Variants in MTHFS observed in about 807,000 individuals in gnomAD.
MTHFS encodes methenyltetrahydrofolate synthetase.
In MTHFS, 7 loss-of-function variants were observed where a neutral mutation model predicts 12.7. That is an observed-to-expected ratio of 0.55 (90% confidence interval 0.31 to 1.03). MTHFS has a LOEUF of 1.03. Ranked by LOEUF, MTHFS falls within the 50% of genes least tolerant of loss-of-function variation. MTHFS has a pLI of 0.05. For synonymous variants in MTHFS, 100 were observed against 97.1 expected, an observed-to-expected ratio of 1.03 and a Z score of -0.18; for missense variants, 252 against 258.1, an observed-to-expected ratio of 0.98 and a Z score of 0.16.
At chr15:79,856,335 C>T (rs1166762119) in intron 2 of MTHFS, among the ~76,000 whole-genome samples, 1 of 152,168 alleles carries the variant, frequency 6.6e-6, no homozygotes, top group African/African-American at 2.4e-5. Flanking sequence ...AGTATCTGCA[C>T]ATGTCTTTGC....
chr15:79,889,848 G>A (rs571177723), intron 1 of MTHFS, among the ~76,000 whole-genome samples: 5 of 152,132 alleles, frequency 3.3e-5, no homozygotes, highest in African/African-American at 7.2e-5. Context: ...AACTTCTGCC[G>A]AACCCTTACT....
At chr15:79,864,544 C>CAAAAAAAAA (rs1566990932) in intron 2 of MTHFS, among the ~76,000 whole-genome samples, 2 of 23,694 alleles carry the variant, frequency 8.4e-5, no homozygotes, top group Admixed American at 6.1e-4. Flanking sequence ...GACTCCATCT[C>CAAAAAAAAA]AACAAAAAAA....
At chr15:79,860,356 T>G (rs1411872559) in intron 2 of MTHFS, among the ~76,000 whole-genome samples, 1 of 150,852 alleles carries the variant, frequency 6.6e-6, no homozygotes, top group Admixed American at 6.6e-5. Context: ...ACCACTGCAC[T>G]CCAGCCTGGG....
chr15:79,863,272 T>C (rs1382515195), intron 2 of MTHFS, among the ~76,000 whole-genome samples: 2 of 152,172 alleles, frequency 1.3e-5, no homozygotes, highest in Non-Finnish European at 2.9e-5. Flanking sequence ...TCTTTGGCTG[T>C]CCCTTGGGAC....
intron 2 of MTHFS, among the ~76,000 whole-genome samples, chr15:79,860,768 C>T (rs1488386203): frequency 1.3e-5 from 2 of 151,954 alleles, no homozygotes; most frequent in Non-Finnish European, 2.9e-5. Flanking sequence ...ACACAGATGC[C>T]CACAATGAAT....
intron 2 of MTHFS, chr15:79,878,263 G>A (rs1447870638): frequency 6.6e-6 from 1 of 151,868 alleles, no homozygotes; most frequent in Non-Finnish European, 1.5e-5. Context: ...GGTAAACCAG[G>A]AGGATCTTTT....
At position 79,845,064 on chromosome 15, in the gene MTHFS, T is replaced by C. The variant is rs1369749268; in HGVS notation, c.*146A>G. On this transcript the variant is annotated 3_prime_UTR_variant, in exon 3 of 3. Transcript: ENST00000258874. ...ATTGGTTTTTAAAGATGGTTTTATA[T>C]AAGGTATTTCATAATTACAATTTTA... 4.7e-6 allele frequency: 5 copies of C among 1,057,702 alleles called. No individual in the cohort carries two copies. Among genetic ancestry groups the C allele is most frequent in the Non-Finnish European group, 6.6e-6 (5 of 752,196 alleles). The allele number at this position is 1,057,702 out of a possible 1,614,324, so 65.5% of individuals were successfully genotyped here.
intron 2 of MTHFS, among the ~76,000 whole-genome samples, chr15:79,861,785 G>C (rs1377629480): frequency 6.6e-6 from 1 of 152,186 alleles, no homozygotes; most frequent in African/African-American, 2.4e-5. Context: ...GTGTTGCTAT[G>C]AAAAGAGTTC....
intron 2 of MTHFS, among the ~76,000 whole-genome samples, chr15:79,874,320 C>T (rs2034153468): frequency 6.6e-6 from 1 of 152,112 alleles, no homozygotes; most frequent in South Asian, 2.1e-4. Context: ...GCCCCATTCC[C>T]ATCCCCCTCT....
intron 2 of MTHFS, among the ~76,000 whole-genome samples, chr15:79,852,373 T>C (rs560459891): frequency 6.6e-6 from 1 of 152,310 alleles, no homozygotes; most frequent in South Asian, 2.1e-4. Context: ...ATACAAAAAT[T>C]GGGTTTTTAA....
At chr15:79,866,393 A>G (rs570583193) in intron 2 of MTHFS, among the ~76,000 whole-genome samples, 1 of 152,238 alleles carries the variant, frequency 6.6e-6, no homozygotes. Flanking sequence ...AAGGCATTTG[A>G]AAACAGCAGT....
At chr15:79,851,607 G>A (rs570815220) in intron 2 of MTHFS, among the ~76,000 whole-genome samples, 2 of 152,228 alleles carry the variant, frequency 1.3e-5, no homozygotes, top group Middle Eastern at 3.4e-3. Flanking sequence ...AAAACCAGCT[G>A]GTCAGTACAT....
chr15:79,862,301 A>T (rs891103260), intron 2 of MTHFS, among the ~76,000 whole-genome samples: 10 of 152,174 alleles, frequency 6.6e-5, no homozygotes, highest in African/African-American at 2.2e-4. Flanking sequence ...CTTTCCCTCA[A>T]ATTTTATTTG....
intron 2 of MTHFS, among the ~76,000 whole-genome samples, chr15:79,862,287 C>T (rs2033930602): frequency 6.6e-6 from 1 of 152,208 alleles, no homozygotes; most frequent in Non-Finnish European, 1.5e-5. Flanking sequence ...TAAGTAACAT[C>T]AACCTTTCCC....
At chr15:79,862,458 T>C (rs1270884830) in intron 2 of MTHFS, among the ~76,000 whole-genome samples, 4 of 152,204 alleles carry the variant, frequency 2.6e-5, no homozygotes, top group Admixed American at 2.6e-4. Context: ...AAACTGAAAA[T>C]GCTGATGGGT....
intron 2 of MTHFS, among the ~76,000 whole-genome samples, chr15:79,879,604 T>G (rs576262747): frequency 3.3e-4 from 51 of 152,250 alleles, no homozygotes; most frequent in Non-Finnish European, 6.8e-4. Flanking sequence ...TTTGTTTTTC[T>G]GGTTTGTTTC....
At chr15:79,873,849 A>G (rs2034145309) in intron 2 of MTHFS, among the ~76,000 whole-genome samples, 1 of 152,222 alleles carries the variant, frequency 6.6e-6, no homozygotes, top group Non-Finnish European at 1.5e-5. Context: ...CCAAGGTTGT[A>G]ATCCCAGTTG....
chr15:79,863,377 C>T (rs1260286727), intron 2 of MTHFS, among the ~76,000 whole-genome samples: 3 of 152,290 alleles, frequency 2.0e-5, no homozygotes, highest in Admixed American at 6.5e-5. Flanking sequence ...AACTAACTCC[C>T]AGCACCTACA....
rs1311036599 is a variant in MTHFS at position 79,844,078 on chromosome 15, AC to A, written c.*1131del. The stretch of plus-strand genomic sequence containing the variant: ...GAGGCTAGAAAAAGTAGATGAGGAG[AC>A]CTCTCTTAAGGGGCTTTGTATACAA... On this transcript the variant is annotated 3_prime_UTR_variant, in exon 3 of 3. Transcript: ENST00000258874. The A allele has an allele frequency of 2.0e-5, 3 of 151,968 alleles. No individual in the cohort carries two copies. The highest frequency in any genetic ancestry group is 4.4e-5 in the Non-Finnish European group (3 of 68,002). 9.4% of individuals were successfully genotyped at this position (151,968 alleles called of 1,614,324 possible).
Sources: gnomAD v4.1 joint callset for allele counts (sites outside exome capture counted in the v4.1 genomes callset) on GRCh38, gnomAD v4.1.1 for gene constraint, MANE v1.5 for transcripts, NCBI Gene and HGNC (gene_info 2026-07-23, HGNC 2026-07-21) for gene names.